Variants in ANK2 observed in about 807,000 individuals in gnomAD.
The protein encoded by ANK2 is ankyrin 2, also known as ankyrin-2.
ANK2 carries 83 observed loss-of-function variants against 360.5 expected under a neutral mutation model. That is an observed-to-expected ratio of 0.23 (90% CI 0.19 to 0.28). ANK2 has a LOEUF of 0.28. Among genes scored for constraint, ANK2 ranks in the 10% least tolerant of loss-of-function variants. ANK2 has a pLI of 1.00. For synonymous variants in ANK2, 1,740 were observed against 1,759.5 expected (o/e 0.99, Z 0.28); for missense variants, 4,201 against 4,795.7 (o/e 0.88, Z 3.66).
chr4:112,914,019 T>C (rs990173471), intron 2 of ANK2, among the ~76,000 whole-genome samples: 1 of 152,160 alleles, frequency 6.6e-6, no homozygotes, highest in Admixed American at 6.5e-5. Flanking sequence ...CACTTTGAGA[T>C]AGTTTTTTTG....
chr4:112,835,390 T>G (rs1015407946), intron 1 of ANK2, among the ~76,000 whole-genome samples: 6 of 152,204 alleles, frequency 3.9e-5, no homozygotes, highest in African/African-American at 1.4e-4. Context: ...TCTTTTTGGT[T>G]TGTTTATATT....
At chr4:113,142,704 T>G (rs2096677093) in intron 1 of ANK2, among the ~76,000 whole-genome samples, 1 of 151,914 alleles carries the variant, frequency 6.6e-6, no homozygotes, top group Non-Finnish European at 1.5e-5. Flanking sequence ...GGAGAAAGCA[T>G]GAGATGATTT....
chr4:113,047,478 T>C (rs1037227324), upstream of ANK2, among the ~76,000 whole-genome samples: 1 of 152,064 alleles, frequency 6.6e-6, no homozygotes, highest in African/African-American at 2.4e-5. Context: ...ATCGAGTAAC[T>C]GAATGTGTCC....
intron 2 of ANK2, among the ~76,000 whole-genome samples, chr4:113,009,683 C>A (rs945597125): frequency 2.0e-5 from 3 of 152,098 alleles, no homozygotes; most frequent in Admixed American, 1.3e-4. Flanking sequence ...TTGGACCACT[C>A]CTGATGATAA....
At chr4:113,277,166 T>G (rs2060527647) in intron 15 of ANK2, among the ~76,000 whole-genome samples, 1 of 152,256 alleles carries the variant, frequency 6.6e-6, no homozygotes, top group Admixed American at 6.5e-5. Context: ...TTCAGTGTGT[T>G]TAAAAGTCTG....
chr4:113,016,436 T>C (rs535479872), intron 2 of ANK2, among the ~76,000 whole-genome samples: 1 of 152,224 alleles, frequency 6.6e-6, no homozygotes, highest in South Asian at 2.1e-4. Flanking sequence ...TAATGCAAAA[T>C]TATCACATAT....
intron 2 of ANK2, among the ~76,000 whole-genome samples, chr4:112,948,393 T>C (rs986772855): frequency 1.3e-5 from 2 of 152,076 alleles, no homozygotes; most frequent in African/African-American, 4.8e-5. Context: ...AAGTTGAACA[T>C]GTTTTTTTTT....
intron 1 of ANK2, among the ~76,000 whole-genome samples, chr4:113,150,067 G>A (rs1304554908): frequency 1.3e-5 from 2 of 151,964 alleles, no homozygotes; most frequent in Non-Finnish European, 2.9e-5. Context: ...CCAAGAAGGA[G>A]GGGATCAGTG....
intron 20 of ANK2, among the ~76,000 whole-genome samples, chr4:113,289,447 G>A (rs768928926): frequency 2.0e-5 from 3 of 151,944 alleles, no homozygotes; most frequent in Non-Finnish European, 2.9e-5. Flanking sequence ...GGGCTCAAGC[G>A]AAATTCTCCC....
intron 2 of ANK2, among the ~76,000 whole-genome samples, chr4:112,944,147 A>AGC (rs2094411397): frequency 2.6e-5 from 4 of 152,302 alleles, no homozygotes; most frequent in African/African-American, 9.6e-5. Flanking sequence ...TTACTGGACA[A>AGC]GCCTTTCACT....
At chr4:112,983,079 A>C (rs2043626020) in intron 2 of ANK2, among the ~76,000 whole-genome samples, 1 of 152,066 alleles carries the variant, frequency 6.6e-6, no homozygotes. Flanking sequence ...TCTCTCATTA[A>C]CTCTTAGCAG....
chr4:113,250,764 C>A lies in ANK2; in HGVS notation c.990+902C>A, dbSNP rs138018081. On this transcript the variant is annotated intron_variant, in intron 10 of 45. Coordinates refer to ENST00000357077, the MANE Select transcript of ANK2 (RefSeq NM_001148.6). Reference sequence around the variant, plus strand: ...TCCACCTCATACCACCGCCCCCCCCCCCGACAGAGTTGGTATCAACTAATG... The same window carrying A: ...TCCACCTCATACCACCGCCCCCCCCACCGACAGAGTTGGTATCAACTAATG... 5.0e-5 allele frequency among the ~76,000 whole-genome samples: 7 copies of A among 139,814 alleles called. 2 individuals carry two copies. The highest frequency in any genetic ancestry group is 5.4e-4 in the South Asian group (2 of 3,704). 91.7% of individuals were successfully genotyped at this position (139,814 alleles called of 152,430 possible).
At chr4:113,261,620 T>C (rs1362688140) in intron 13 of ANK2, among the ~76,000 whole-genome samples, 1 of 152,178 alleles carries the variant, frequency 6.6e-6, no homozygotes, top group Non-Finnish European at 1.5e-5. Flanking sequence ...AAGGGCAACT[T>C]ACAGTAGAAG....
chr4:113,158,715 C>A (rs549807850), intron 1 of ANK2, among the ~76,000 whole-genome samples: 7 of 152,104 alleles, frequency 4.6e-5, no homozygotes, highest in Non-Finnish European at 1.0e-4. Flanking sequence ...CAGTCTTGCC[C>A]TTTAATTACT....
chr4:112,708,923 A>G, the ANK2 span, among the ~76,000 whole-genome samples: 1 of 152,192 alleles, frequency 6.6e-6, no homozygotes, highest in Admixed American at 6.5e-5. Context: ...ACAACTTCAT[A>G]TTTTGAACAA....
intron 2 of ANK2, among the ~76,000 whole-genome samples, chr4:112,958,439 C>G (rs943559126): frequency 7.9e-5 from 12 of 152,172 alleles, no homozygotes; most frequent in Admixed American, 6.5e-4. Flanking sequence ...CAAAAAAATA[C>G]GAAAAACAGC....
intron 34 of ANK2, among the ~76,000 whole-genome samples, chr4:113,344,456 TAGTGC>T (rs2094605649): frequency 6.6e-6 from 1 of 152,096 alleles, no homozygotes; most frequent in Admixed American, 6.6e-5. Context: ...AAATGCAAAA[TAGTGC>T]AGCGACTTTG....
chr4:113,003,405 A>G (rs372373262), intron 2 of ANK2, among the ~76,000 whole-genome samples: 1 of 152,192 alleles, frequency 6.6e-6, no homozygotes, highest in African/African-American at 2.4e-5. Context: ...GACAACACTC[A>G]AATGAAAAAA....
chr4:113,178,355 A>C (rs964763917), intron 2 of ANK2, among the ~76,000 whole-genome samples: 3 of 152,122 alleles, frequency 2.0e-5, no homozygotes, highest in Non-Finnish European at 2.9e-5. Context: ...GGATTGCCTG[A>C]GATCAGGAGT....
Sources: allele counts gnomAD v4.1 joint callset (sites outside exome capture counted in the v4.1 genomes callset), GRCh38; gene constraint gnomAD v4.1.1; transcripts MANE v1.5; gene names NCBI Gene and HGNC (gene_info 2026-07-23, HGNC 2026-07-21).